The following PKNOX2 variants were observed in gnomAD, a reference collection of about 807,000 sequenced individuals.
PKNOX2 encodes the protein PBX/knotted 1 homeobox 2, also known as homeobox protein PKNOX2.
A neutral mutation model predicts 53.1 loss-of-function variants in PKNOX2; 14 were observed. The ratio of observed to expected loss-of-function variants is 0.26; its 90% CI spans 0.17 to 0.41. PKNOX2 has a LOEUF of 0.41. PKNOX2 is among the 10% of genes least tolerant of loss of function. The probability of loss-of-function intolerance (pLI) is 1.00; values close to 1 mark genes in which losing one functional copy is unlikely to be tolerated. For missense variants in PKNOX2, 496 were observed against 602.8 expected, an observed-to-expected ratio of 0.82 and a Z score of 1.85; for synonymous variants, 257 against 242.8, an observed-to-expected ratio of 1.06 and a Z score of -0.54.
chr11:125,351,420 A>C (rs771039639), intron 4 of PKNOX2, 28 bp downstream of exon 4: 3 of 1,409,884 alleles, frequency 2.1e-6, no homozygotes, highest in East Asian at 4.6e-5. Context: ...GCTGCCTCCC[A>C]CCACGGGGGA....
intron 9 of PKNOX2, 82 bp from the exon 10 acceptor site, chr11:125,411,664 C>A: frequency 6.2e-7 from 1 of 1,605,466 alleles, no homozygotes; most frequent in Non-Finnish European, 8.5e-7. Context: ...GGCAGCCAAG[C>A]CTGCCGTCGC....
Position 125,422,069 on chromosome 11 carries a change from G to A in PKNOX2, c.937-6943G>A, listed in dbSNP as rs1409392291. Among the ~76,000 whole-genome samples the A allele has an allele frequency of 6.6e-6, 1 of 152,182 alleles. No homozygotes were observed. The highest frequency in any genetic ancestry group is 1.5e-5 in the Non-Finnish European group (1 of 68,020). ...TAGGATTGGGTAGGAAGAGAAAAAG[G>A]AGGGGTCATTTTGGATGACAATTAT... On this transcript the variant is annotated intron_variant, in intron 10 of 12. Coordinates refer to ENST00000298282, the MANE Select transcript of PKNOX2 (RefSeq NM_001382323.2). The surrounding 1 kb of genome is among the most constrained non-coding windows in gnomAD (Gnocchi z 4.1).
At chr11:125,187,757 G>A (rs1386165092) in intron 1 of PKNOX2, among the ~76,000 whole-genome samples, 2 of 152,026 alleles carry the variant, frequency 1.3e-5, no homozygotes, top group Non-Finnish European at 2.9e-5. Context: ...GATCTTAGGA[G>A]GAAAGCTTTC....
intron 2 of PKNOX2, among the ~76,000 whole-genome samples, chr11:125,259,639 G>A (rs1158686873): frequency 1.3e-5 from 2 of 152,164 alleles, no homozygotes; most frequent in Admixed American, 1.3e-4. Context: ...TGGCTGAAGG[G>A]CATCCTTGGC....
At chr11:125,415,722 A>G (rs1025649849) in intron 10 of PKNOX2, among the ~76,000 whole-genome samples, 21 of 152,200 alleles carry the variant, frequency 1.4e-4, no homozygotes, top group African/African-American at 4.6e-4. Flanking sequence ...GCTCAGCTTT[A>G]GGAAAGAAGA....
Position 125,410,785 on chromosome 11 carries a change from C to T in PKNOX2, c.725C>T (p.Ala242Val). 6.2e-7 allele frequency: 1 copy of T among 1,613,962 alleles called. No individual in the cohort carries two copies. Among genetic ancestry groups the T allele is most frequent in the Non-Finnish European group, 8.5e-7 (1 of 1,179,902 alleles). ...TVNSQVVSGG[A>V]LYQPVTMVTS... ...AAACTGGTTGTCTCCTCAGGTGGAGCCTTATACCAACCGGTTACCATGGTA... is the reference window on the plus strand; with the variant it reads ...AAACTGGTTGTCTCCTCAGGTGGAGTCTTATACCAACCGGTTACCATGGTA... The change falls in exon 9 of 13, where the codon GCC (alanine) becomes GTC (valine). Residue 242 changes from alanine (A) to valine (V), a missense_variant. By Grantham distance (64) the Ala-to-Val change is moderately conservative (BLOSUM62 0). Coordinates refer to ENST00000298282, the MANE Select transcript of PKNOX2 (RefSeq NM_001382323.2).
chr11:125,246,387 G>A (rs1300895978), intron 2 of PKNOX2, among the ~76,000 whole-genome samples: 1 of 152,160 alleles, frequency 6.6e-6, no homozygotes. Context: ...CCTCTTGAAG[G>A]CCCTGCCTTC....
Position 125,431,305 on chromosome 11 carries a change from G to A in PKNOX2, c.1332G>A (p.Glu444=), listed in dbSNP as rs542370030. 3.7e-6 allele frequency: 6 copies of A among 1,613,586 alleles called. No homozygotes were observed. In the East Asian group the frequency reaches 6.7e-5, roughly 18 times the overall value. The change falls in exon 13 of 13, where the codon GAG becomes GAA. Residue 444 remains glutamate, a synonymous_variant. Coordinates refer to ENST00000298282, the MANE Select transcript of PKNOX2 (RefSeq NM_001382323.2). ...EEDEDEMEEE[E]EEELEEEVDE... ...ATGAGGATGAGATGGAAGAGGAGGA[G>A]GAGGAGGAGCTGGAGGAGGAGGTCG...
chr11:125,405,058 CG>C (rs905004713), intron 7 of PKNOX2, among the ~76,000 whole-genome samples: 2 of 152,178 alleles, frequency 1.3e-5, no homozygotes, highest in African/African-American at 4.8e-5. Flanking sequence ...CTCTAGTGGC[CG>C]GGGGGAGGAT....
At chr11:125,261,548 C>A (rs1413569175) in intron 2 of PKNOX2, among the ~76,000 whole-genome samples, 3 of 152,208 alleles carry the variant, frequency 2.0e-5, no homozygotes, top group African/African-American at 4.8e-5. Context: ...CTTCCACATG[C>A]TCCCTCCCCA....
At chr11:125,417,088 T>G (rs556154959) in intron 10 of PKNOX2, among the ~76,000 whole-genome samples, 28 of 152,154 alleles carry the variant, frequency 1.8e-4, no homozygotes, top group Admixed American at 5.2e-4. Context: ...GAGGCCACAC[T>G]CCTGCTGGAA....
intron 7 of PKNOX2, among the ~76,000 whole-genome samples, chr11:125,407,599 C>T (rs1346645195): frequency 6.6e-6 from 1 of 152,018 alleles, no homozygotes; most frequent in Non-Finnish European, 1.5e-5. Flanking sequence ...GTACCCACTC[C>T]CCCATTAAAT....
At chr11:125,301,398 A>T (rs2135958581) in intron 2 of PKNOX2, among the ~76,000 whole-genome samples, 1 of 152,052 alleles carries the variant, frequency 6.6e-6, no homozygotes, top group Middle Eastern at 3.4e-3. Context: ...CAAGCAGGGT[A>T]GACTTCTTCT....
intron 5 of PKNOX2, among the ~76,000 whole-genome samples, chr11:125,377,282 G>A (rs1386828207): frequency 6.6e-6 from 1 of 152,176 alleles, no homozygotes; most frequent in African/African-American, 2.4e-5. Flanking sequence ...AGACCACCCA[G>A]CTTCCCACCC....
intron 5 of PKNOX2, among the ~76,000 whole-genome samples, chr11:125,380,282 G>A (rs770274445): frequency 6.6e-6 from 1 of 152,178 alleles, no homozygotes; most frequent in East Asian, 1.9e-4. Flanking sequence ...GCAGTAAAAT[G>A]TCATGCCAGT....
intron 1 of PKNOX2, among the ~76,000 whole-genome samples, chr11:125,214,897 C>T: frequency 6.6e-6 from 1 of 152,022 alleles, no homozygotes; most frequent in African/African-American, 2.4e-5. Context: ...AGTGGGGAAG[C>T]AGGCAGCCTG....
At chr11:125,378,872 G>C (rs1953013504) in intron 5 of PKNOX2, among the ~76,000 whole-genome samples, 2 of 152,178 alleles carry the variant, frequency 1.3e-5, no homozygotes, top group African/African-American at 4.8e-5. Context: ...CTTGTGTTTT[G>C]CATCTTCGCC....
chr11:125,371,770 T>C (rs2059615), intron 5 of PKNOX2, among the ~76,000 whole-genome samples: 21,993 of 152,072 alleles, frequency 0.14, 2,026 homozygotes, highest in Non-Finnish European at 0.2. Context: ...TGCCCATTAC[T>C]GATAAGGAAA....
intron 10 of PKNOX2, among the ~76,000 whole-genome samples, chr11:125,412,482 G>A (rs1263236567): frequency 3.9e-5 from 6 of 152,228 alleles, no homozygotes; most frequent in Non-Finnish European, 4.4e-5. Flanking sequence ...TGCATACTGT[G>A]TGAAGGTTGC....
Sources: gnomAD v4.1 joint callset for allele counts (sites outside exome capture counted in the v4.1 genomes callset) on GRCh38, gnomAD v4.1.1 for gene constraint, Gnocchi (gnomAD v3.1) non-coding constraint, MANE v1.5 for transcripts, NCBI Gene and HGNC (gene_info 2026-07-23, HGNC 2026-07-21) for gene names.